EVPL: variants seen among roughly 807,000 people sequenced by gnomAD.
EVPL encodes the protein envoplakin, also known as 210 kDa cornified envelope precursor protein.
EVPL carries 94 observed loss-of-function variants against 129.7 expected under a neutral mutation model. The observed-to-expected ratio is 0.72, with a 90% CI of 0.61 to 0.86. The LOEUF (loss-of-function observed/expected upper bound fraction) is 0.86. Among genes scored for constraint, EVPL ranks in the 40% least tolerant of loss-of-function variants. EVPL has a pLI of 0.00. For missense variants in EVPL, 2,625 were observed against 2,721.1 expected (o/e 0.96, Z 0.79); for synonymous variants, 1,172 against 1,191.1 (o/e 0.98, Z 0.33).
rs2066463097 is a variant in EVPL at position 76,021,893 on chromosome 17, G to T, written c.781C>A (p.Pro261Thr). The T allele has an allele frequency of 1.3e-6, 2 of 1,560,884 alleles. No homozygotes were observed. Among genetic ancestry groups the T allele is most frequent in the Non-Finnish European group, 1.7e-6 (2 of 1,160,614 alleles). ...TCGTACTCCCGCCGCACGCCCGCAGGGTCGGCCATGAGGTCGCTCCAGTCC... is the reference window on the plus strand; with the variant it reads ...TCGTACTCCCGCCGCACGCCCGCAGTGTCGGCCATGAGGTCGCTCCAGTCC... ...QQDWSDLMAD[P>T]AGVRREYEHF... The change falls in exon 7 of 22, where the codon CCT (proline) becomes ACT (threonine). Residue 261 changes from proline (P) to threonine (T), a missense_variant. Transcript: ENST00000301607.
chr17:76,021,737 G>C lies in EVPL; in HGVS notation c.852C>G (p.Asn284Lys). 1 of 1,610,452 alleles carries C rather than the reference G, an allele frequency of 6.2e-7. No individual in the cohort carries two copies. The highest frequency in any genetic ancestry group is 8.5e-7 in the Non-Finnish European group (1 of 1,179,574). ...HELLSQEQSVNQLEDDGERMV... is the reference protein window; with the variant it reads ...HELLSQEQSVKQLEDDGERMV... Reference sequence around the variant, plus strand: ...TGCGCTCGCCGTCGTCCTCCAGCTGGTTCACGCTCTGCTCCTGGCTCAGCA... The same window carrying C: ...TGCGCTCGCCGTCGTCCTCCAGCTGCTTCACGCTCTGCTCCTGGCTCAGCA... Residue 284 changes from asparagine (N) to lysine (K), a missense_variant, in exon 8 of 22, where the codon AAC becomes AAG. Physicochemically the swap from Asn to Lys is moderately conservative, Grantham distance 94 (BLOSUM62 0). Coordinates refer to ENST00000301607, the MANE Select transcript of EVPL (RefSeq NM_001988.4).
At position 76,020,399 on chromosome 17, in the gene EVPL, C is replaced by T. The variant is rs79610187; in HGVS notation, c.1012-746G>A. The stretch of plus-strand genomic sequence containing the variant: ...AAGGGCACCGTCACCTGCCTCCCTC[C>T]AGCACCTGAAGTCTTTCTTGCTGGG... On this transcript the variant is annotated intron_variant, in intron 9 of 21. Transcript: ENST00000301607. Among the ~76,000 whole-genome samples, 1,387 of 152,334 alleles carry T rather than the reference C, an allele frequency of 9.1e-3. 11 individuals carry two copies. Among genetic ancestry groups the T allele is most frequent in the Non-Finnish European group, 0.014 (958 of 68,034 alleles).
intron 18 of EVPL, among the ~76,000 whole-genome samples, chr17:76,012,614 C>T (rs1054235614): frequency 1.3e-5 from 2 of 151,694 alleles, no homozygotes; most frequent in Admixed American, 6.6e-5. Context: ...CTCAGAGTTC[C>T]GTTCTAGCAC....
chr17:76,020,586 T>G (rs1332969451), intron 9 of EVPL, among the ~76,000 whole-genome samples: 5 of 150,536 alleles, frequency 3.3e-5, no homozygotes, highest in Non-Finnish European at 5.9e-5. Flanking sequence ...CAAATCCCAG[T>G]TGCATATTAT....
chr17:76,013,828 C>T lies in EVPL; in HGVS notation c.2373+598G>A, dbSNP rs2066396684. 6.6e-6 allele frequency among the ~76,000 whole-genome samples: 1 copy of T among 152,208 alleles called. No homozygotes were observed. The highest frequency in any genetic ancestry group is 2.4e-5 in the African/African-American group (1 of 41,448). On this transcript the variant is annotated intron_variant, in intron 18 of 21. Coordinates refer to ENST00000301607, the MANE Select transcript of EVPL (RefSeq NM_001988.4). This position sits in a 1 kb window ranked among gnomAD's most constrained non-coding sequence, Gnocchi z 4.3. ...CTAAACACTGGCCTGGAAGCATCCCCTCCCCAGCAGCTTCTGGGGGCTGCA... is the reference window on the plus strand; with the variant it reads ...CTAAACACTGGCCTGGAAGCATCCCTTCCCCAGCAGCTTCTGGGGGCTGCA...
At chr17:76,012,699 CA>C (rs2066387112) in intron 18 of EVPL, among the ~76,000 whole-genome samples, 2 of 151,772 alleles carry the variant, frequency 1.3e-5, no homozygotes, top group African/African-American at 4.8e-5. Flanking sequence ...ACATCAGATC[CA>C]GCAGGTCCGG....
chr17:76,013,714 G>A lies in EVPL; in HGVS notation c.2373+712C>T, dbSNP rs767060051. 5.8e-4 allele frequency among the ~76,000 whole-genome samples: 89 copies of A among 152,212 alleles called. No homozygotes were observed. The highest frequency in any genetic ancestry group is 3.4e-3 in the Middle Eastern group (1 of 292). On this transcript the variant is annotated intron_variant, in intron 18 of 21. Transcript: ENST00000301607. The surrounding 1 kb of genome is among the most constrained non-coding windows in gnomAD (Gnocchi z 4.3). ...CCGGCCAGGCCACCACTCTCTCTCC[G>A]CTGGATTTCCACCCTGGCTCCTCGT...
At position 76,024,907 on chromosome 17, in the gene EVPL, G is replaced by C. The variant is rs2665965; in HGVS notation, c.99-787C>G. On this transcript the variant is annotated intron_variant, in intron 1 of 21. Coordinates refer to ENST00000301607, the MANE Select transcript of EVPL (RefSeq NM_001988.4). The surrounding 1 kb of genome is among the most constrained non-coding windows in gnomAD (Gnocchi z 4.5). Reference sequence around the variant, plus strand: ...GTCACAAGGTCAAGCAGACCTAAAAGAGGGCAGATTGGTCCAAGCCTTATG... The same window carrying C: ...GTCACAAGGTCAAGCAGACCTAAAACAGGGCAGATTGGTCCAAGCCTTATG... 0.38 allele frequency among the ~76,000 whole-genome samples: 57,721 copies of C among 152,164 alleles called. 13,553 individuals are homozygous for C. Among genetic ancestry groups the C allele is most frequent in the East Asian group, 0.79 (4,095 of 5,156 alleles).
At chr17:76,011,979 G>A (rs1396413006) in intron 19 of EVPL, 27 bp downstream of exon 19, 1 of 1,607,810 alleles carries the variant, frequency 6.2e-7, no homozygotes, top group Admixed American at 1.7e-5. Flanking sequence ...TGCATGGAGA[G>A]GGGCAAGCTG....
rs1292873757 is a variant in EVPL at position 76,024,438 on chromosome 17, C to T, written c.99-318G>A. Among the ~76,000 whole-genome samples, 2 of 152,102 alleles carry T rather than the reference C, an allele frequency of 1.3e-5. No individual in the cohort carries two copies. The highest frequency in any genetic ancestry group is 2.1e-4 in the South Asian group (1 of 4,826). ...TTCCCGACCCCACCTAGCTACCTGC[C>T]ACTTCCCTCCCCGAGCCAGTGAATC... On this transcript the variant is annotated intron_variant, in intron 1 of 21. Transcript: ENST00000301607. This position sits in a 1 kb window ranked among gnomAD's most constrained non-coding sequence, Gnocchi z 4.5.
chr17:76,017,879 C>A lies in EVPL; in HGVS notation c.1570G>T (p.Ala524Ser). The A allele has an allele frequency of 1.2e-6, 2 of 1,614,090 alleles. No homozygotes were observed. The highest frequency in any genetic ancestry group is 1.7e-6 in the Non-Finnish European group (2 of 1,180,034). ...GTCATCTGTGTCAGGAGCTTCTGGG[C>A]CTGTGGGTTGGCCAGGTCTGAGCCA... ...PSGSDLANPQ[A>S]QKLLTQMTRL... Residue 524 changes from alanine to serine, a missense_variant, in exon 14 of 22, where the codon GCC becomes TCC. Around this residue, in one of 4 missense-constraint regions of EVPL, gnomAD observed 1,024 missense variants for 997.5 expected, o/e 1.03. Transcript: ENST00000301607.
In EVPL at chr17:76,024,056, G is replaced by T. The variant is rs529618201; in HGVS notation, c.163C>A (p.Arg55=). The T allele has an allele frequency of 6.2e-7, 1 of 1,613,890 alleles. No individual in the cohort carries two copies. The highest frequency in any genetic ancestry group is 1.1e-5 in the South Asian group (1 of 91,050). ...CTCTTCTGCGTCTCCAGGATGTCCC[G>T]CTCCACCTGGTCGGCGTTGGCTTGC... ...RMQANADQVE[R]DILETQKRLQ... The change falls in exon 2 of 22, where the codon CGG becomes AGG. Residue 55 remains arginine, a synonymous_variant. Coordinates refer to ENST00000301607, the MANE Select transcript of EVPL (RefSeq NM_001988.4). The surrounding 1 kb of genome is among the most constrained non-coding windows in gnomAD (Gnocchi z 4.5).
rs1567911966 is a variant in EVPL, at chr17:76,015,535, C to T, written c.1804G>A (p.Ala602Thr). The change falls in exon 15 of 22, where the codon GCT (alanine) becomes ACT (threonine). Residue 602 changes from alanine to threonine, a missense_variant. Transcript: ENST00000301607. The part of the protein sequence containing the change: ...AFLSTRPVGP[A>T]ALQLPVALNS... ...AGGGCTACGGGCAGCTGCAGGGCAG[C>T]GGGGCCCACGGGCCGCGTGGACAGA... The T allele has an allele frequency of 1.9e-6, 3 of 1,612,654 alleles. No homozygotes were observed. Among genetic ancestry groups the T allele is most frequent in the South Asian group, 1.1e-5 (1 of 91,084 alleles).
In EVPL at chr17:76,009,170, C is replaced by G. The variant is rs1276121224; in HGVS notation, c.4035G>C (p.Arg1345=). The part of the protein sequence containing the change: ...QEVREAAQKR[R]AAEDAVYELQ... ...GCTCGTACACCGCGTCCTCCGCGGC[C>G]CGCCTCTTCTGGGCCGCCTCCCGCA... The change falls in exon 22 of 22, where the codon CGG becomes CGC. Residue 1345 remains arginine, a synonymous_variant. Transcript: ENST00000301607. The surrounding 1 kb of genome is among the most constrained non-coding windows in gnomAD (Gnocchi z 5.9). The G allele has an allele frequency of 1.2e-6, 2 of 1,611,494 alleles. No homozygotes were observed. Among genetic ancestry groups the G allele is most frequent in the Admixed American group, 3.3e-5 (2 of 60,000 alleles).
intron 18 of EVPL, among the ~76,000 whole-genome samples, 192 bp downstream of exon 18, chr17:76,014,234 C>G (rs545996694): frequency 1.3e-5 from 2 of 152,312 alleles, no homozygotes; most frequent in Non-Finnish European, 2.9e-5. Flanking sequence ...CTTGTAAATC[C>G]CACTGCCCCA....
Position 76,010,524 on chromosome 17 carries a change from A to G in EVPL, c.2681T>C (p.Ile894Thr), listed in dbSNP as rs1264180312. Residue 894 changes from isoleucine (I) to threonine (T), a missense_variant, in exon 22 of 22, where the codon ATC becomes ACC. By Grantham distance (89) the Ile-to-Thr change is moderately conservative (BLOSUM62 -1). Coordinates refer to ENST00000301607, the MANE Select transcript of EVPL (RefSeq NM_001988.4). The part of the protein sequence containing the change: ...MLEKKELSED[I>T]RRTHDAKQGS... Reference sequence around the variant, plus strand: ...CTGCTTTGCATCATGGGTCCTTCGGATGTCCTCACTGAGCTCCTTCTGCAG... The same window carrying G: ...CTGCTTTGCATCATGGGTCCTTCGGGTGTCCTCACTGAGCTCCTTCTGCAG... 4 of 1,613,146 alleles carry G rather than the reference A, an allele frequency of 2.5e-6. No homozygotes were observed. Among genetic ancestry groups the G allele is most frequent in the Admixed American group, 1.7e-5 (1 of 59,856 alleles).
At position 76,022,351 on chromosome 17, in the gene EVPL, G is replaced by T. The variant is rs557348504; in HGVS notation, c.606+62C>A. 13 of 1,609,650 alleles carry T rather than the reference G, an allele frequency of 8.1e-6. No individual in the cohort carries two copies. In the Admixed American group the frequency reaches 2.2e-4, roughly 27 times the overall value. The stretch of plus-strand genomic sequence containing the variant: ...CCAGGGCCCAGCCGATCTAGCTCCG[G>T]CTCTGACTGGAGAAACGGGCTGGGG... On this transcript the variant is annotated intron_variant, in intron 5 of 21. Transcript: ENST00000301607. This position sits in a 1 kb window ranked among gnomAD's most constrained non-coding sequence, Gnocchi z 5.6.
At chr17:76,017,200 G>C (rs557878362) in intron 14 of EVPL, among the ~76,000 whole-genome samples, 26 of 152,316 alleles carry the variant, frequency 1.7e-4, no homozygotes, top group African/African-American at 5.5e-4. Context: ...GTGATGCAGA[G>C]AGACTTTGTC....
chr17:76,011,512 A>C, intron 21 of EVPL, 64 bp downstream of exon 21: 1 of 1,395,866 alleles, frequency 7.2e-7, no homozygotes, highest in Non-Finnish European at 1.0e-6. Flanking sequence ...CATTTTGGGA[A>C]TGGAGTGGGC....
Sources: gnomAD v4.1 joint callset for allele counts (sites outside exome capture counted in the v4.1 genomes callset) on GRCh38, gnomAD v4.1.1 for gene constraint, gnomAD v4.1.1 regional missense constraint, Gnocchi (gnomAD v3.1) non-coding constraint, MANE v1.5 for transcripts, NCBI Gene and HGNC (gene_info 2026-07-23, HGNC 2026-07-21) for gene names.